PIK3C2G: variants seen among roughly 807,000 people sequenced by gnomAD.
PIK3C2G encodes the protein phosphatidylinositol 3-kinase C2 domain-containing subunit gamma.
In PIK3C2G, 168 loss-of-function variants were observed where a neutral mutation model predicts 181.1. That is an observed-to-expected ratio of 0.93 (90% CI 0.82 to 1.05). The LOEUF (loss-of-function observed/expected upper bound fraction) is 1.05, where lower values mean the gene tolerates loss of function less well. Ranked by LOEUF, PIK3C2G falls within the 50% of genes least tolerant of loss-of-function variation. The probability of loss-of-function intolerance (pLI) is 0.00; values close to 1 mark genes in which losing one functional copy is unlikely to be tolerated. For synonymous variants in PIK3C2G, 573 were observed against 592.2 expected, an observed-to-expected ratio of 0.97 and a Z score of 0.47; for missense variants, 1,869 against 1,732.8, an observed-to-expected ratio of 1.08 and a Z score of -1.40.
At chr12:18,501,125 C>A (rs1455088279) in intron 22 of PIK3C2G, among the ~76,000 whole-genome samples, 1 of 152,190 alleles carries the variant, frequency 6.6e-6, no homozygotes, top group Non-Finnish European at 1.5e-5. Context: ...CGCGAAGGTC[C>A]GCGGCTTCAT....
At chr12:18,698,828 G>A in the PIK3C2G span, among the ~76,000 whole-genome samples, 1 of 151,910 alleles carries the variant, frequency 6.6e-6, no homozygotes, top group East Asian at 1.9e-4. Flanking sequence ...ATAAACTATT[G>A]TTGACTGTAG....
At chr12:18,375,390 G>T (rs1043017929) in intron 13 of PIK3C2G, among the ~76,000 whole-genome samples, 1 of 152,252 alleles carries the variant, frequency 6.6e-6, no homozygotes, top group East Asian at 1.9e-4. Flanking sequence ...ATGACTTAGA[G>T]TATCTGACAA....
intron 1 of PIK3C2G, among the ~76,000 whole-genome samples, chr12:18,277,562 A>C (rs1949035586): frequency 6.6e-6 from 1 of 152,166 alleles, no homozygotes; most frequent in African/African-American, 2.4e-5. Context: ...TGAAATAAAG[A>C]TCATTTTTAT....
At chr12:18,650,698 GTGTGTGTATATATCTATATA>G (rs1565602422), downstream of PIK3C2G, among the ~76,000 whole-genome samples, 468 of 29,024 alleles carry the variant, frequency 0.016, 17 homozygotes, top group Middle Eastern at 0.053. Flanking sequence ...GTGTGTGTGT[GTGTGTGTATATATCTATATA>G]TATATATATA....
intron 29 of PIK3C2G, among the ~76,000 whole-genome samples, chr12:18,579,384 C>T (rs774083721): frequency 6.6e-6 from 1 of 152,114 alleles, no homozygotes; most frequent in Non-Finnish European, 1.5e-5. Context: ...TATAAGCAGT[C>T]TTACTTTTGC....
chr12:18,647,808 C>A (rs1950226814), intron 32 of PIK3C2G, 68 bp from the exon 33 acceptor site: 1 of 888,672 alleles, frequency 1.1e-6, no homozygotes, highest in Non-Finnish European at 1.6e-6. Context: ...TTATTAAAAG[C>A]AATACTCAAA....
intron 18 of PIK3C2G, among the ~76,000 whole-genome samples, chr12:18,456,617 C>G (rs1320396598): frequency 6.6e-6 from 1 of 152,110 alleles, no homozygotes; most frequent in African/African-American, 2.4e-5. Context: ...GTTACCTGTT[C>G]CTTTACTGTA....
intron 16 of PIK3C2G, among the ~76,000 whole-genome samples, chr12:18,415,881 T>C (rs1489947333): frequency 1.3e-5 from 2 of 152,160 alleles, no homozygotes; most frequent in Non-Finnish European, 2.9e-5. Flanking sequence ...CTCTTCAATT[T>C]CATGAAAGTT....
chr12:18,500,471 G>A (rs879855948), intron 22 of PIK3C2G, among the ~76,000 whole-genome samples: 2 of 152,156 alleles, frequency 1.3e-5, no homozygotes, highest in African/African-American at 4.8e-5. Context: ...CCCTACGAGC[G>A]CGGCCCCCTG....
At chr12:18,493,298 A>G (rs776091537) in intron 20 of PIK3C2G, 1 of 152,224 alleles carries the variant, frequency 6.6e-6, no homozygotes, top group Admixed American at 6.5e-5. Flanking sequence ...GAAACCATCT[A>G]TGAGAGCTCT....
chr12:18,522,046 C>T (rs571864282), intron 24 of PIK3C2G, among the ~76,000 whole-genome samples: 1 of 152,322 alleles, frequency 6.6e-6, no homozygotes, highest in East Asian at 1.9e-4. Flanking sequence ...ACTGCTCTTC[C>T]TTCCTCTCTG....
intron 24 of PIK3C2G, among the ~76,000 whole-genome samples, chr12:18,507,295 C>T (rs113902664): frequency 9.6e-4 from 146 of 152,174 alleles, no homozygotes; most frequent in African/African-American, 3.2e-3. Context: ...TCCCAAAGTG[C>T]GGGGATTAGA....
At chr12:18,696,195 A>G in the PIK3C2G span, 1 of 1,599,520 alleles carries the variant, frequency 6.3e-7, no homozygotes, top group South Asian at 1.1e-5. Flanking sequence ...TTAAAATTAG[A>G]AGAGTCTGCT....
At chr12:18,457,411 T>C (rs1033896725) in intron 18 of PIK3C2G, among the ~76,000 whole-genome samples, 2 of 152,184 alleles carry the variant, frequency 1.3e-5, no homozygotes, top group African/African-American at 4.8e-5. Flanking sequence ...ATCAGAAAAT[T>C]ATATTGTCTT....
At chr12:18,544,137 C>T (rs1231220526) in intron 25 of PIK3C2G, among the ~76,000 whole-genome samples, 1 of 151,688 alleles carries the variant, frequency 6.6e-6, no homozygotes, top group African/African-American at 2.4e-5. Context: ...AAGGCAATTC[C>T]AGCTGAGAGA....
intron 5 of PIK3C2G, among the ~76,000 whole-genome samples, chr12:18,303,387 T>G (rs545697512): frequency 6.6e-6 from 1 of 151,926 alleles, no homozygotes; most frequent in East Asian, 1.9e-4. Context: ...CAGGCTGAAG[T>G]GCAGTGGCAT....
At chr12:18,359,131 CT>C (rs1941010394) in intron 11 of PIK3C2G, among the ~76,000 whole-genome samples, 1 of 152,206 alleles carries the variant, frequency 6.6e-6, no homozygotes, top group Non-Finnish European at 1.5e-5. Context: ...TCTCCTCAAG[CT>C]GTAAGCACTG....
chr12:18,368,546 T>C (rs192783601), intron 12 of PIK3C2G, among the ~76,000 whole-genome samples: 1 of 152,204 alleles, frequency 6.6e-6, no homozygotes, highest in Admixed American at 6.5e-5. Context: ...TACCCTAAAC[T>C]ATACTAATTA....
chr12:18,545,443 G>T (rs150324606), intron 25 of PIK3C2G, among the ~76,000 whole-genome samples: 26 of 151,374 alleles, frequency 1.7e-4, no homozygotes, highest in African/African-American at 5.8e-4. Flanking sequence ...ATTGTAAGAG[G>T]GCCTTTATTC....
Sources: allele counts gnomAD v4.1 joint callset (sites outside exome capture counted in the v4.1 genomes callset), GRCh38; gene constraint gnomAD v4.1.1; transcripts MANE v1.5; gene names NCBI Gene and HGNC (gene_info 2026-07-23, HGNC 2026-07-21).